PIAS1: variants seen among roughly 807,000 people sequenced by gnomAD.
PIAS1 encodes E3 SUMO-protein ligase PIAS1.
PIAS1 carries 6 observed loss-of-function variants against 71.3 expected under a neutral mutation model. The observed-to-expected ratio is 0.08, with a 90% CI of 0.05 to 0.17. The LOEUF (loss-of-function observed/expected upper bound fraction) is 0.17, where lower values mean the gene tolerates loss of function less well. Among genes scored for constraint, PIAS1 ranks in the 10% least tolerant of loss-of-function variants. The probability of loss-of-function intolerance (pLI) is 1.00; values close to 1 mark genes in which losing one functional copy is unlikely to be tolerated. For synonymous variants in PIAS1, 303 were observed against 292.9 expected (o/e 1.03, Z -0.35); for missense variants, 555 against 793.6 (o/e 0.70, Z 3.61).
rs1442190320 is a variant in PIAS1, at chr15:68,188,587, C to T, written c.*752C>T. On this transcript the variant is annotated 3_prime_UTR_variant, in exon 14 of 14. Coordinates refer to ENST00000249636, the MANE Select transcript of PIAS1 (RefSeq NM_016166.3). ...TTATCAACTATCCCAATTGCATGTT[C>T]TCCATCACATATTCTCTTATTTGCT... The T allele has an allele frequency of 6.6e-6, 1 of 152,196 alleles. No individual in the cohort carries two copies. Among genetic ancestry groups the T allele is most frequent in the African/African-American group, 2.4e-5 (1 of 41,448 alleles). 9.4% of individuals were successfully genotyped at this position (152,196 alleles called of 1,614,324 possible). A position where few individuals can be genotyped will look rare whatever the true frequency, so the allele number is the denominator to read the frequency against.
chr15:68,108,347 T>A (rs1948261), intron 2 of PIAS1, among the ~76,000 whole-genome samples: 4,072 of 152,206 alleles, frequency 0.027, 177 homozygotes, highest in African/African-American at 0.092. Flanking sequence ...TGTTAGTACT[T>A]GACACAGTTG....
intron 7 of PIAS1, among the ~76,000 whole-genome samples, chr15:68,162,852 A>C (rs1398002416): frequency 1.3e-5 from 2 of 152,224 alleles, no homozygotes; most frequent in African/African-American, 4.8e-5. Flanking sequence ...CTGGGATCAC[A>C]GAAGTCCAAA....
intron 1 of PIAS1, among the ~76,000 whole-genome samples, chr15:68,081,939 A>G (rs1347274090): frequency 6.6e-6 from 1 of 151,890 alleles, no homozygotes; most frequent in African/African-American, 2.4e-5. Context: ...AAGGCACAAC[A>G]TTGTAAAATT....
intron 2 of PIAS1, among the ~76,000 whole-genome samples, chr15:68,117,178 C>T (rs549784672): frequency 6.6e-6 from 1 of 152,260 alleles, no homozygotes; most frequent in South Asian, 2.1e-4. Context: ...GCCTCTGCCT[C>T]CCGGGTTCAA....
chr15:68,124,981 C>T (rs945650393), intron 2 of PIAS1, among the ~76,000 whole-genome samples: 6 of 152,280 alleles, frequency 3.9e-5, no homozygotes, highest in African/African-American at 1.4e-4. Flanking sequence ...ATTTGCCACT[C>T]CTACCGTATA....
intron 11 of PIAS1, among the ~76,000 whole-genome samples, chr15:68,179,001 C>T (rs991418760): frequency 6.6e-6 from 1 of 152,166 alleles, no homozygotes; most frequent in Non-Finnish European, 1.5e-5. Flanking sequence ...AAATGCCAGA[C>T]ATTTCTCTCT....
intron 2 of PIAS1, among the ~76,000 whole-genome samples, chr15:68,098,273 A>G (rs1034629391): frequency 3.3e-5 from 5 of 152,228 alleles, no homozygotes; most frequent in African/African-American, 1.2e-4. Context: ...TGTGTACTGT[A>G]TTCTTACAGC....
chr15:68,150,719 G>A (rs1168302531), intron 6 of PIAS1, among the ~76,000 whole-genome samples: 1 of 152,156 alleles, frequency 6.6e-6, no homozygotes, highest in African/African-American at 2.4e-5. Flanking sequence ...TGTAGGTTGA[G>A]TATTCCTAAT....
At chr15:68,153,740 A>G (rs2092866057) in intron 7 of PIAS1, 45 bp downstream of exon 7, 1 of 968,302 alleles carries the variant, frequency 1.0e-6, no homozygotes, top group Non-Finnish European at 1.6e-6. Flanking sequence ...ATTTTGTTAA[A>G]GGTTAGAGTA....
chr15:68,158,134 T>TC (rs2092903142), intron 7 of PIAS1, among the ~76,000 whole-genome samples: 14 of 152,158 alleles, frequency 9.2e-5, no homozygotes, highest in Admixed American at 9.2e-4. Context: ...GAATAAAAAC[T>TC]CCAAGTATGT....
chr15:68,187,761 A>G lies in PIAS1; in HGVS notation c.1882A>G (p.Thr628Ala). The stretch of plus-strand genomic sequence containing the variant: ...CAGCCTAAGGGAAAGCCATAGCCAC[A>G]CCGTCACAAACAGGAGCAGCACGGA... ...SNSLRESHSH[T>A]VTNRSSTDTA... Residue 628 changes from threonine to alanine, a missense_variant, in exon 14 of 14, where the codon ACC becomes GCC. Physicochemically the swap from Thr to Ala is moderately conservative, Grantham distance 58 (BLOSUM62 0). Coordinates refer to ENST00000249636, the MANE Select transcript of PIAS1 (RefSeq NM_016166.3). This position sits in a 1 kb window ranked among gnomAD's most constrained non-coding sequence, Gnocchi z 5.3. 1.2e-6 allele frequency: 2 copies of G among 1,613,986 alleles called. No homozygotes were observed. Among genetic ancestry groups the G allele is most frequent in the Non-Finnish European group, 1.7e-6 (2 of 1,179,894 alleles).
At chr15:68,073,839 A>ATCTCAC (rs1378110460) in intron 1 of PIAS1, among the ~76,000 whole-genome samples, 2 of 152,220 alleles carry the variant, frequency 1.3e-5, no homozygotes, top group Non-Finnish European at 2.9e-5. Flanking sequence ...GGCAATAGTG[A>ATCTCAC]GGAGAATGAC....
rs1371699274 is a variant in PIAS1, at chr15:68,134,425, C to T, written c.470-7521C>T. 1.6e-4 allele frequency among the ~76,000 whole-genome samples: 9 copies of T among 57,140 alleles called. 2 individuals are homozygous for T. Among genetic ancestry groups the T allele is most frequent in the African/African-American group, 3.4e-4 (9 of 26,808 alleles). 37.5% of individuals were successfully genotyped at this position (57,140 alleles called of 152,430 possible). A position where few individuals can be genotyped will look rare whatever the true frequency, so the allele number is the denominator to read the frequency against. On this transcript the variant is annotated intron_variant, in intron 2 of 13. Transcript: ENST00000249636. Reference sequence around the variant, plus strand: ...GCCGGGCAGAGGGGCTCCTCACCACCCAGTAGGAGCGGCTGGGCAGAGGCG... The same window carrying T: ...GCCGGGCAGAGGGGCTCCTCACCACTCAGTAGGAGCGGCTGGGCAGAGGCG...
chr15:68,075,128 A>C (rs1444631139), intron 1 of PIAS1, among the ~76,000 whole-genome samples: 36 of 115,198 alleles, frequency 3.1e-4, no homozygotes, highest in Admixed American at 7.9e-4. Context: ...TCTTTTGCCC[A>C]GGCTGGAGCG....
Position 68,167,461 on chromosome 15 carries a change from A to C in PIAS1, c.1008+2657A>C, listed in dbSNP as rs2092964655. ...CCTTGTGATGTACAGAGCTCAAAAT[A>C]AATGAGTTTCTTTTGTTTCTGTGCC... On this transcript the variant is annotated intron_variant, in intron 8 of 13. Coordinates refer to ENST00000249636, the MANE Select transcript of PIAS1 (RefSeq NM_016166.3). This position sits in a 1 kb window ranked among gnomAD's most constrained non-coding sequence, Gnocchi z 4.4. Among the ~76,000 whole-genome samples the C allele has an allele frequency of 6.6e-6, 1 of 152,210 alleles. No individual in the cohort carries two copies. The highest frequency in any genetic ancestry group is 2.4e-5 in the African/African-American group (1 of 41,460).
intron 1 of PIAS1, among the ~76,000 whole-genome samples, chr15:68,057,114 A>G (rs2091904445): frequency 6.6e-6 from 1 of 152,192 alleles, no homozygotes; most frequent in African/African-American, 2.4e-5. Flanking sequence ...ATGTGCAAAG[A>G]TCAGATGGGA....
Position 68,186,874 on chromosome 15 carries a change from G to C in PIAS1, c.1663-668G>C, listed in dbSNP as rs916646746. ...GCCTAGGTGTGTAGCAGGCTCTACT[G>C]TCTAGGTTTGTGCAAGCACACTGTG... On this transcript the variant is annotated intron_variant, in intron 13 of 13. Coordinates refer to ENST00000249636, the MANE Select transcript of PIAS1 (RefSeq NM_016166.3). The surrounding 1 kb of genome is among the most constrained non-coding windows in gnomAD (Gnocchi z 4.4). Among the ~76,000 whole-genome samples the C allele has an allele frequency of 6.6e-6, 1 of 152,250 alleles. No homozygotes were observed. Among genetic ancestry groups the C allele is most frequent in the Admixed American group, 6.5e-5 (1 of 15,288 alleles).
rs948750885 is a variant in PIAS1, at chr15:68,192,039, T to C, written c.*4204T>C. On this transcript the variant is annotated 3_prime_UTR_variant, in exon 14 of 14. Transcript: ENST00000249636. ...TACTGGGACTATTCAGTGATAAATA[T>C]AGACATAGAAAAGCTTTGACGGAAA... 4.6e-5 allele frequency: 7 copies of C among 151,942 alleles called. No individual in the cohort carries two copies. The highest frequency in any genetic ancestry group is 1.7e-4 in the African/African-American group (7 of 41,190). The allele number at this position is 151,942 out of a possible 1,614,324, so 9.4% of individuals were successfully genotyped here. A position where few individuals can be genotyped will look rare whatever the true frequency, so the allele number is the denominator to read the frequency against.
chr15:68,188,028 T>C lies in PIAS1; in HGVS notation c.*193T>C. 2.1e-6 allele frequency: 1 copy of C among 469,118 alleles called. No individual in the cohort carries two copies. The highest frequency in any genetic ancestry group is 3.8e-6 in the Non-Finnish European group (1 of 265,376). The allele number at this position is 469,118 out of a possible 1,614,324, so 29.1% of individuals were successfully genotyped here. ...ATATTTTCAGTTTTACTTTTGTATA[T>C]AAATCTAAGACTGCCTGTGTGATAA... On this transcript the variant is annotated 3_prime_UTR_variant, in exon 14 of 14. Transcript: ENST00000249636.
Sources: allele counts gnomAD v4.1 joint callset (sites outside exome capture counted in the v4.1 genomes callset), GRCh38; gene constraint gnomAD v4.1.1; non-coding constraint Gnocchi (gnomAD v3.1); transcripts MANE v1.5; gene names NCBI Gene and HGNC (gene_info 2026-07-23, HGNC 2026-07-21).